Variants in RGS7 observed in about 807,000 individuals in gnomAD.
RGS7 encodes regulator of G protein signaling 7, also known as regulator of G-protein signaling 7.
In RGS7, 27 loss-of-function variants were observed where a neutral mutation model predicts 81.1. That is an observed-to-expected ratio of 0.33 (90% confidence interval 0.25 to 0.46). The LOEUF (loss-of-function observed/expected upper bound fraction) is 0.46. Ranked by LOEUF, RGS7 falls within the 20% of genes least tolerant of loss-of-function variation. The pLI is 1.00. For synonymous variants in RGS7, 208 were observed against 207.7 expected (o/e 1.00, Z -0.01); for missense variants, 396 against 607.4 (o/e 0.65, Z 3.66).
intron 9 of RGS7, among the ~76,000 whole-genome samples, chr1:240,842,090 A>C (rs141828186): frequency 6.6e-4 from 101 of 152,050 alleles, no homozygotes; most frequent in African/African-American, 2.4e-3. Context: ...AGCACATATT[A>C]GTTTCCCTTA....
At chr1:240,791,296 A>G (rs183201923) in intron 18 of RGS7, among the ~76,000 whole-genome samples, 2 of 152,340 alleles carry the variant, frequency 1.3e-5, no homozygotes, top group Non-Finnish European at 2.9e-5. Flanking sequence ...AAAAACAATG[A>G]CAACAGCCAT....
rs867070316 is a variant in RGS7 at position 240,933,893 on chromosome 1, T to C, written c.333+2707A>G. On this transcript the variant is annotated intron_variant, in intron 5 of 18. Coordinates refer to ENST00000440928, the MANE Select transcript of RGS7 (RefSeq NM_001364886.1). ...GTACTACAAATTTGAGACAAATATA[T>C]AAACTGTCATGCCAATGAAATAAAG... 7.9e-5 allele frequency among the ~76,000 whole-genome samples: 12 copies of C among 152,152 alleles called. 1 individual carries two copies. Among genetic ancestry groups the C allele is most frequent in the Middle Eastern group, 3.4e-3 (1 of 294 alleles).
At chr1:240,955,483 C>A (rs1373215177) in intron 4 of RGS7, among the ~76,000 whole-genome samples, 4 of 147,318 alleles carry the variant, frequency 2.7e-5, no homozygotes, top group Non-Finnish European at 5.9e-5. Context: ...ACCTGGGAGG[C>A]GGAGCTTGCA....
At chr1:241,136,922 G>A (rs2067563258) in intron 2 of RGS7, among the ~76,000 whole-genome samples, 1 of 152,194 alleles carries the variant, frequency 6.6e-6, no homozygotes, top group Non-Finnish European at 1.5e-5. Context: ...TGAGCTTTCT[G>A]TTAATCTGTT....
intron 3 of RGS7, among the ~76,000 whole-genome samples, chr1:241,036,577 A>T (rs2060339598): frequency 6.6e-6 from 1 of 152,310 alleles, no homozygotes. Context: ...TTCTAAAAAT[A>T]CCTTTGTCCA....
intron 16 of RGS7, among the ~76,000 whole-genome samples, 162 bp downstream of exon 16, chr1:240,802,742 A>G (rs1364845002): frequency 6.6e-6 from 1 of 152,176 alleles, no homozygotes; most frequent in Non-Finnish European, 1.5e-5. Flanking sequence ...ACAAACAGAA[A>G]CAACTTAAAT....
At chr1:241,267,885 C>T (rs538716467) in intron 2 of RGS7, among the ~76,000 whole-genome samples, 4 of 152,230 alleles carry the variant, frequency 2.6e-5, no homozygotes, top group African/African-American at 9.6e-5. Flanking sequence ...TTTTTAATTT[C>T]CCTGTTTACA....
intron 2 of RGS7, among the ~76,000 whole-genome samples, chr1:241,154,821 G>A (rs544533922): frequency 6.6e-5 from 10 of 152,302 alleles, no homozygotes; most frequent in South Asian, 2.1e-4. Flanking sequence ...GATGGCAGAC[G>A]TGGGAGGGGA....
chr1:241,147,810 A>ATATG (rs2068450167), intron 2 of RGS7, among the ~76,000 whole-genome samples: 1 of 128,468 alleles, frequency 7.8e-6, no homozygotes, highest in African/African-American at 3.0e-5. Context: ...ATATATATAT[A>ATATG]TATATATATG....
At chr1:240,954,402 C>A (rs1028127143) in intron 4 of RGS7, among the ~76,000 whole-genome samples, 4 of 152,030 alleles carry the variant, frequency 2.6e-5, no homozygotes, top group Non-Finnish European at 5.9e-5. Flanking sequence ...ACACCACAAC[C>A]AAAGGGACTT....
intron 4 of RGS7, among the ~76,000 whole-genome samples, chr1:240,944,280 GTGTATATATATA>G (rs1310029863): frequency 1.9e-4 from 4 of 21,192 alleles, no homozygotes; most frequent in African/African-American, 4.7e-4. Context: ...GTGTGTGTGT[GTGTATATATATA>G]TATATATATA....
At chr1:240,938,485 C>G (rs1677012867) in intron 4 of RGS7, among the ~76,000 whole-genome samples, 1 of 152,140 alleles carries the variant, frequency 6.6e-6, no homozygotes, top group South Asian at 2.1e-4. Context: ...TATGGTACAG[C>G]AAAGCATAAG....
At chr1:241,040,266 T>G (rs2060543041) in intron 3 of RGS7, among the ~76,000 whole-genome samples, 1 of 152,190 alleles carries the variant, frequency 6.6e-6, no homozygotes, top group African/African-American at 2.4e-5. Flanking sequence ...AGAAAAATCA[T>G]GTATGCTGTA....
intron 2 of RGS7, among the ~76,000 whole-genome samples, chr1:241,191,004 A>G (rs1326047781): frequency 6.6e-6 from 1 of 150,584 alleles, no homozygotes; most frequent in Non-Finnish European, 1.5e-5. Context: ...TTTTTTTGCG[A>G]CGGAGTCTTG....
At chr1:241,110,570 C>T (rs6429240) in intron 2 of RGS7, among the ~76,000 whole-genome samples, 22,286 of 152,054 alleles carry the variant, frequency 0.15, 3,476 homozygotes, top group African/African-American at 0.39. Flanking sequence ...TCTGAGATTC[C>T]GGCAGGAAGG....
At chr1:241,170,468 A>G (rs936533114) in intron 2 of RGS7, among the ~76,000 whole-genome samples, 1 of 152,248 alleles carries the variant, frequency 6.6e-6, no homozygotes, top group Non-Finnish European at 1.5e-5. Context: ...AGAGATACAC[A>G]TTAGCCTTAT....
chr1:240,907,708 G>A (rs1671049237), intron 6 of RGS7, among the ~76,000 whole-genome samples: 1 of 152,130 alleles, frequency 6.6e-6, no homozygotes, highest in Admixed American at 6.6e-5. Context: ...TTCAATGTTT[G>A]ATCAAAAAGT....
chr1:241,320,172 T>C (rs1391057529), intron 2 of RGS7, among the ~76,000 whole-genome samples: 1 of 152,232 alleles, frequency 6.6e-6, no homozygotes, highest in African/African-American at 2.4e-5. Flanking sequence ...GAATTACTTG[T>C]AGTTCCCTGA....
rs1553289605 is a variant in RGS7 at position 241,221,039 on chromosome 1, A to AAGGAAGGAAAAG, written c.79-122278_79-122277insCTTTTCCTTCCT. On this transcript the variant is annotated intron_variant, in intron 2 of 18. Transcript: ENST00000440928. ...GAAGGAAGGAAGGAAGGAAGGAAGGAAAAGAAAGAAAGAAAGAAAGAGAGA... is the reference window on the plus strand; with the variant it reads ...GAAGGAAGGAAGGAAGGAAGGAAGGAAGGAAGGAAAAGAAAGAAAGAAAGAAAGAAAGAGAGA... Among the ~76,000 whole-genome samples, 66 of 92,776 alleles carry AAGGAAGGAAAAG rather than the reference A, an allele frequency of 7.1e-4. 1 individual carries two copies. The highest frequency in any genetic ancestry group is 2.3e-3 in the African/African-American group (58 of 25,302). 60.9% of individuals were successfully genotyped at this position (92,776 alleles called of 152,430 possible). A position where few individuals can be genotyped will look rare whatever the true frequency, so the allele number is the denominator to read the frequency against.
Sources: allele counts gnomAD v4.1 joint callset (sites outside exome capture counted in the v4.1 genomes callset), GRCh38; gene constraint gnomAD v4.1.1; transcripts MANE v1.5; gene names NCBI Gene and HGNC (gene_info 2026-07-23, HGNC 2026-07-21).